The following FGF1 variants were observed in gnomAD, a reference collection of about 807,000 sequenced individuals.
FGF1 encodes the protein fibroblast growth factor 1.
Under a neutral mutation model 13.4 loss-of-function variants are expected in FGF1, and 9 were observed. The observed-to-expected ratio is 0.67, with a 90% CI of 0.40 to 1.17. The LOEUF (loss-of-function observed/expected upper bound fraction) is 1.17, where lower values mean the gene tolerates loss of function less well. Ranked by LOEUF, FGF1 falls within the 50% of genes most tolerant of loss-of-function variation. FGF1 has a pLI of 0.01. For synonymous variants in FGF1, 93 were observed against 79.0 expected, an observed-to-expected ratio of 1.18 and a Z score of -0.94; for missense variants, 156 against 192.7, an observed-to-expected ratio of 0.81 and a Z score of 1.13.
At chr5:142,643,088 A>G (rs370965490) in intron 1 of FGF1, among the ~76,000 whole-genome samples, 64 of 152,162 alleles carry the variant, frequency 4.2e-4, no homozygotes, top group African/African-American at 1.4e-3. Flanking sequence ...TATCCAACGC[A>G]CCCCAGGAGG....
chr5:142,690,870 C>T (rs1752101350), upstream of FGF1, among the ~76,000 whole-genome samples: 1 of 152,200 alleles, frequency 6.6e-6, no homozygotes, highest in African/African-American at 2.4e-5. Context: ...CAGTCACCTG[C>T]TCCTCATAAC....
chr5:142,623,812 C>T (rs1272787563), intron 1 of FGF1, among the ~76,000 whole-genome samples: 3 of 148,594 alleles, frequency 2.0e-5, no homozygotes, highest in Non-Finnish European at 4.4e-5. Flanking sequence ...GTGCAGTGTA[C>T]ACTCATGCTC....
At chr5:142,619,694 A>C (rs372712170) in intron 1 of FGF1, among the ~76,000 whole-genome samples, 11 of 152,058 alleles carry the variant, frequency 7.2e-5, no homozygotes, top group Non-Finnish European at 1.6e-4. Context: ...TTAGCCGGGC[A>C]TGGTGGCGCA....
rs779093327 is a variant in FGF1, at chr5:142,633,528, T to A, written c.-34-19367A>T. 5.6e-4 allele frequency among the ~76,000 whole-genome samples: 86 copies of A among 152,224 alleles called. 2 individuals are homozygous for A. The highest frequency in any genetic ancestry group is 1.0e-4 in the Non-Finnish European group (7 of 68,030). The stretch of plus-strand genomic sequence containing the variant: ...GCTTGCTTCCTTTGCCTAAACTTCC[T>A]CTGAAGACATACAGTAGCATTCATG... On this transcript the variant is annotated intron_variant, in intron 1 of 3. Coordinates refer to ENST00000337706, the MANE Select transcript of FGF1 (RefSeq NM_000800.5).
At chr5:142,678,160 C>T (rs1002081734) in intron 1 of FGF1, among the ~76,000 whole-genome samples, 1 of 152,058 alleles carries the variant, frequency 6.6e-6, no homozygotes, top group African/African-American at 2.4e-5. Flanking sequence ...GATCTTACCC[C>T]CCAAGAGGCC....
At chr5:142,630,292 C>T (rs1318747991) in intron 1 of FGF1, among the ~76,000 whole-genome samples, 1 of 152,146 alleles carries the variant, frequency 6.6e-6, no homozygotes, top group Non-Finnish European at 1.5e-5. Context: ...GCTGACTTCT[C>T]TGAGGTCTGC....
intron 1 of FGF1, among the ~76,000 whole-genome samples, chr5:142,619,758 G>C (rs533198646): frequency 6.6e-6 from 1 of 151,874 alleles, no homozygotes; most frequent in Non-Finnish European, 1.5e-5. Flanking sequence ...GCTTGAACCC[G>C]GGAGGCGGAG....
At chr5:142,645,406 A>G (rs1458661948) in intron 1 of FGF1, among the ~76,000 whole-genome samples, 1 of 152,098 alleles carries the variant, frequency 6.6e-6, no homozygotes, top group Admixed American at 6.5e-5. Context: ...AATGCCCCTG[A>G]GTCAATATTG....
chr5:142,685,613 G>A (rs1165421239), intron 1 of FGF1: 1 of 152,178 alleles, frequency 6.6e-6, no homozygotes, highest in East Asian at 1.9e-4. Flanking sequence ...GCCAGTGTCA[G>A]GCGGGCACTG....
chr5:142,651,484 T>G (rs1767233581), intron 1 of FGF1, among the ~76,000 whole-genome samples: 1 of 152,216 alleles, frequency 6.6e-6, no homozygotes, highest in Non-Finnish European at 1.5e-5. Context: ...AATGAAGCTA[T>G]GTGACACATC....
chr5:142,609,979 G>A (rs984621741), intron 2 of FGF1, among the ~76,000 whole-genome samples: 2 of 152,186 alleles, frequency 1.3e-5, no homozygotes, highest in African/African-American at 4.8e-5. Context: ...TTGTGGGGCG[G>A]AACCACTGTC....
At chr5:142,646,926 A>C (rs930729355) in intron 1 of FGF1, among the ~76,000 whole-genome samples, 4 of 152,182 alleles carry the variant, frequency 2.6e-5, no homozygotes, top group Admixed American at 1.3e-4. Flanking sequence ...TATTAGGATA[A>C]ATCAATCGGA....
chr5:142,668,143 G>C (rs971323142), intron 1 of FGF1, among the ~76,000 whole-genome samples: 3 of 152,274 alleles, frequency 2.0e-5, no homozygotes, highest in Non-Finnish European at 4.4e-5. Flanking sequence ...TCTCCTCCCA[G>C]GCTCAGGCAG....
chr5:142,668,704 C>G (rs9324889), intron 1 of FGF1, among the ~76,000 whole-genome samples: 1 of 152,070 alleles, frequency 6.6e-6, no homozygotes, highest in South Asian at 2.1e-4. Context: ...AGGGAAGCAC[C>G]TAGCACATTG....
At chr5:142,690,355 T>TA (rs1364859243), upstream of FGF1, among the ~76,000 whole-genome samples, 5 of 151,666 alleles carry the variant, frequency 3.3e-5, no homozygotes, top group East Asian at 2.0e-4. Context: ...AAATAAAAAA[T>TA]AAAAAAAAAT....
At chr5:142,615,187 C>A (rs1759962252) in intron 1 of FGF1, among the ~76,000 whole-genome samples, 1 of 150,656 alleles carries the variant, frequency 6.6e-6, no homozygotes, top group African/African-American at 2.4e-5. Context: ...AGAAAGAGGC[C>A]AAAAAGAGAC....
At chr5:142,680,413 G>A (rs17208908) in intron 1 of FGF1, among the ~76,000 whole-genome samples, 30,053 of 152,132 alleles carry the variant, frequency 0.2, 3,440 homozygotes, top group Non-Finnish European at 0.26. Context: ...AGAAAGGAGC[G>A]TGGTACTGAC....
intron 1 of FGF1, among the ~76,000 whole-genome samples, chr5:142,672,968 G>T (rs1421607279): frequency 2.0e-5 from 3 of 152,200 alleles, no homozygotes; most frequent in Admixed American, 1.3e-4. Flanking sequence ...AAAGGATTAA[G>T]AGGGGGACTT....
At chr5:142,608,326 T>C (rs1376289362) in intron 2 of FGF1, among the ~76,000 whole-genome samples, 1 of 152,020 alleles carries the variant, frequency 6.6e-6, no homozygotes, top group African/African-American at 2.4e-5. Flanking sequence ...TCCCGTCCTT[T>C]GCCGTGTTTA....
Sources: allele counts gnomAD v4.1 joint callset (sites outside exome capture counted in the v4.1 genomes callset), GRCh38; gene constraint gnomAD v4.1.1; transcripts MANE v1.5; gene names NCBI Gene and HGNC (gene_info 2026-07-23, HGNC 2026-07-21).